DECR1: variants seen among roughly 807,000 people sequenced by gnomAD.
DECR1 encodes the protein 2,4-dienoyl-CoA reductase [(3E)-enoyl-CoA-producing], mitochondrial.
Under a neutral mutation model 38.8 loss-of-function variants are expected in DECR1, and 44 were observed. The ratio of observed to expected loss-of-function variants is 1.13; its 90% CI spans 0.89 to 1.46. DECR1 has a LOEUF of 1.46. Ranked by LOEUF, DECR1 falls within the 40% of genes most tolerant of loss-of-function variation. The probability of loss-of-function intolerance (pLI) is 0.00; values close to 1 mark genes in which losing one functional copy is unlikely to be tolerated. For missense variants in DECR1, 428 were observed against 405.5 expected (o/e 1.06, Z -0.48); for synonymous variants, 148 against 135.2 (o/e 1.09, Z -0.66).
intron 1 of DECR1, among the ~76,000 whole-genome samples, chr8:90,006,754 A>T (rs1314957226): frequency 1.3e-5 from 2 of 152,208 alleles, no homozygotes; most frequent in African/African-American, 4.8e-5. Context: ...TAAGACTGGA[A>T]GTAGGGAGAC....
chr8:90,029,708 G>A (rs528055017), intron 5 of DECR1, among the ~76,000 whole-genome samples: 42 of 152,176 alleles, frequency 2.8e-4, no homozygotes, highest in African/African-American at 8.9e-4. Flanking sequence ...TGTGTGAACC[G>A]TAAACACAAG....
intron 5 of DECR1, among the ~76,000 whole-genome samples, chr8:90,024,914 G>T (rs1366255041): frequency 6.6e-6 from 1 of 152,122 alleles, no homozygotes; most frequent in Non-Finnish European, 1.5e-5. Context: ...TAAAAGGAAG[G>T]GATCCAGTTT....
chr8:90,022,047 A>G (rs938133223), intron 5 of DECR1, among the ~76,000 whole-genome samples: 2 of 152,190 alleles, frequency 1.3e-5, no homozygotes, highest in Non-Finnish European at 2.9e-5. Context: ...CTCAAAGCAC[A>G]GAGGTGGACA....
At chr8:90,039,105 C>T (rs1468914842) in intron 6 of DECR1, among the ~76,000 whole-genome samples, 1 of 152,172 alleles carries the variant, frequency 6.6e-6, no homozygotes, top group African/African-American at 2.4e-5. Flanking sequence ...CAACCTTCTT[C>T]TCATACTTTA....
intron 5 of DECR1, among the ~76,000 whole-genome samples, chr8:90,023,475 T>C (rs752353538): frequency 1.4e-4 from 22 of 152,162 alleles, no homozygotes; most frequent in Non-Finnish European, 2.9e-4. Context: ...CCTTCCCAAC[T>C]GATAAGCCTT....
At chr8:90,021,836 A>G (rs1586146763) in intron 5 of DECR1, among the ~76,000 whole-genome samples, 2 of 152,354 alleles carry the variant, frequency 1.3e-5, no homozygotes, top group African/African-American at 4.8e-5. Context: ...GAGGGAAAAT[A>G]GATTTAGAAA....
chr8:90,045,821 CT>C (rs1813884924), intron 8 of DECR1, among the ~76,000 whole-genome samples: 1 of 152,142 alleles, frequency 6.6e-6, no homozygotes, highest in East Asian at 1.9e-4. Flanking sequence ...CCAGGTGCCC[CT>C]CTGAGACGAA....
intron 1 of DECR1, among the ~76,000 whole-genome samples, chr8:90,010,443 G>A (rs1426152573): frequency 6.6e-6 from 1 of 152,222 alleles, no homozygotes; most frequent in Non-Finnish European, 1.5e-5. Flanking sequence ...GCAGTGGTGT[G>A]GCCATTGGAA....
intron 5 of DECR1, among the ~76,000 whole-genome samples, chr8:90,027,255 G>C (rs1281288845): frequency 6.6e-6 from 1 of 152,162 alleles, no homozygotes; most frequent in Non-Finnish European, 1.5e-5. Context: ...GTGCAGAGCT[G>C]AGTTCAATTC....
intron 5 of DECR1, among the ~76,000 whole-genome samples, chr8:90,025,977 A>G (rs1413330750): frequency 6.6e-6 from 1 of 152,196 alleles, no homozygotes; most frequent in African/African-American, 2.4e-5. Context: ...CTATTGAGAT[A>G]ATAATGTAGT....
intron 4 of DECR1, among the ~76,000 whole-genome samples, chr8:90,019,380 G>A (rs916517318): frequency 6.6e-6 from 1 of 152,232 alleles, no homozygotes; most frequent in Admixed American, 6.5e-5. Flanking sequence ...TGAAGCAGCA[G>A]CAGTGGAATG....
chr8:90,017,394 A>G (rs1402575689), intron 2 of DECR1, 68 bp downstream of exon 2: 12 of 1,252,874 alleles, frequency 9.6e-6, no homozygotes, highest in African/African-American at 6.0e-5. Context: ...TAGTATTGAA[A>G]ACACTGTTCG....
chr8:90,034,850 T>C (rs994936516), intron 5 of DECR1, among the ~76,000 whole-genome samples: 1 of 152,160 alleles, frequency 6.6e-6, no homozygotes, highest in Non-Finnish European at 1.5e-5. Flanking sequence ...ACAATCATTT[T>C]AAAAAGAAAT....
At chr8:90,009,542 T>C (rs1360046466) in intron 1 of DECR1, among the ~76,000 whole-genome samples, 1 of 152,050 alleles carries the variant, frequency 6.6e-6, no homozygotes, top group East Asian at 1.9e-4. Context: ...CCTAGAACAG[T>C]GCCTGGGGCT....
Position 90,051,744 on chromosome 8 carries a change from T to C in DECR1, c.948+5T>C. The C allele has an allele frequency of 6.2e-7, 1 of 1,613,354 alleles. No individual in the cohort carries two copies. Among genetic ancestry groups the C allele is most frequent in the East Asian group, 2.2e-5 (1 of 44,806 alleles). On this transcript the variant is annotated splice_donor_5th_base_variant and intron_variant, in intron 9 of 9. Transcript: ENST00000220764. ...GAATTCAACGACCTGAGAAAGGTAA[T>C]GCTTTTGTGTGTATAATGTAATATC...
chr8:90,020,116 A>G (rs1813113086), intron 4 of DECR1, among the ~76,000 whole-genome samples: 1 of 152,184 alleles, frequency 6.6e-6, no homozygotes, highest in Non-Finnish European at 1.5e-5. Context: ...TGGTACATTT[A>G]TCGGAGAGAA....
intron 5 of DECR1, among the ~76,000 whole-genome samples, chr8:90,031,297 A>G (rs1370067699): frequency 6.6e-6 from 1 of 152,180 alleles, no homozygotes; most frequent in African/African-American, 2.4e-5. Flanking sequence ...TACTCAATAA[A>G]TGTTAGTTAT....
chr8:90,037,578 C>T (rs1450284106), intron 6 of DECR1, among the ~76,000 whole-genome samples: 1 of 151,944 alleles, frequency 6.6e-6, no homozygotes, highest in Non-Finnish European at 1.5e-5. Flanking sequence ...TCCCAAGTAG[C>T]TGGGACTACA....
intron 5 of DECR1, among the ~76,000 whole-genome samples, chr8:90,024,513 C>T (rs1405950531): frequency 6.6e-6 from 1 of 152,176 alleles, no homozygotes; most frequent in African/African-American, 2.4e-5. Context: ...GCATAAATGT[C>T]TTCTTTTGAG....
Sources: allele counts gnomAD v4.1 joint callset (sites outside exome capture counted in the v4.1 genomes callset), GRCh38; gene constraint gnomAD v4.1.1; transcripts MANE v1.5; gene names NCBI Gene and HGNC (gene_info 2026-07-23, HGNC 2026-07-21).